ASIC2: variants seen among roughly 807,000 people sequenced by gnomAD.
The protein encoded by ASIC2 is acid sensing ion channel subunit 2.
A neutral mutation model predicts 57.3 loss-of-function variants in ASIC2; 25 were observed. That is an observed-to-expected ratio of 0.44 (90% CI 0.32 to 0.61). The LOEUF (loss-of-function observed/expected upper bound fraction) is 0.61. Ranked by LOEUF, ASIC2 falls within the 20% of genes least tolerant of loss-of-function variation. The pLI, the probability that ASIC2 is intolerant of heterozygous loss-of-function variation, is 0.06. For missense variants in ASIC2, 641 were observed against 738.1 expected (o/e 0.87, Z 1.52); for synonymous variants, 319 against 307.5 (o/e 1.04, Z -0.39).
intron 1 of ASIC2, among the ~76,000 whole-genome samples, chr17:33,269,501 C>T (rs898886576): frequency 2.0e-5 from 3 of 152,248 alleles, no homozygotes; most frequent in Non-Finnish European, 2.9e-5. Flanking sequence ...ACACACCAGC[C>T]TCCTGGCCTG....
chr17:33,684,011 A>G (rs1248696857), intron 1 of ASIC2, among the ~76,000 whole-genome samples: 1 of 152,222 alleles, frequency 6.6e-6, no homozygotes. Context: ...AGTCAGCTTG[A>G]TAGAAAATCA....
At chr17:33,898,220 C>CTT (rs771624171) in intron 1 of ASIC2, among the ~76,000 whole-genome samples, 3,460 of 66,006 alleles carry the variant, frequency 0.052, 1,031 homozygotes, top group Non-Finnish European at 0.067. Flanking sequence ...CATGTATAAT[C>CTT]TTTTTTTTTT....
intron 1 of ASIC2, among the ~76,000 whole-genome samples, chr17:33,420,710 G>A (rs928387724): frequency 3.9e-5 from 6 of 152,166 alleles, no homozygotes; most frequent in African/African-American, 1.2e-4. Flanking sequence ...TGTAGCATTT[G>A]CCTATTTCCA....
chr17:34,099,805 A>C (rs896308714), intron 1 of ASIC2, among the ~76,000 whole-genome samples: 46 of 147,230 alleles, frequency 3.1e-4, no homozygotes, highest in Admixed American at 1.6e-3. Flanking sequence ...AAAGAAAGAA[A>C]AGAGAATCTC....
chr17:33,585,133 G>C (rs1904579090), intron 1 of ASIC2, among the ~76,000 whole-genome samples: 1 of 152,186 alleles, frequency 6.6e-6, no homozygotes, highest in South Asian at 2.1e-4. Context: ...GGGGTGGAAG[G>C]AGAGGGAAAA....
intron 1 of ASIC2, among the ~76,000 whole-genome samples, chr17:33,525,544 C>T (rs1243473298): frequency 3.3e-5 from 5 of 152,204 alleles, no homozygotes; most frequent in South Asian, 2.1e-4. Context: ...CTCGGGCTCA[C>T]GGGTTCTGGC....
At chr17:33,346,226 CAAAAAAAAAA>C (rs57042563) in intron 1 of ASIC2, among the ~76,000 whole-genome samples, 24 of 57,786 alleles carry the variant, frequency 4.2e-4, no homozygotes, top group African/African-American at 1.4e-3. Flanking sequence ...GATTCCCTCT[CAAAAAAAAAA>C]AAAAAAAAAA....
intron 1 of ASIC2, among the ~76,000 whole-genome samples, chr17:33,614,439 A>C (rs1167696539): frequency 6.6e-6 from 1 of 152,148 alleles, no homozygotes; most frequent in Non-Finnish European, 1.5e-5. Context: ...GACTGAGCCA[A>C]CCCTGCACAG....
At chr17:33,379,050 G>A (rs969712291) in intron 1 of ASIC2, among the ~76,000 whole-genome samples, 23 of 152,340 alleles carry the variant, frequency 1.5e-4, no homozygotes, top group African/African-American at 5.3e-4. Flanking sequence ...ACAGGTATTA[G>A]CATTTAAGGG....
chr17:34,038,231 A>G, intron 1 of ASIC2: 3 of 1,611,730 alleles, frequency 1.9e-6, no homozygotes, highest in Non-Finnish European at 2.5e-6. Flanking sequence ...CTGCATGATA[A>G]TGGACCGGGC....
intron 1 of ASIC2, among the ~76,000 whole-genome samples, chr17:34,123,916 C>G (rs1268837420): frequency 6.6e-6 from 1 of 152,018 alleles, no homozygotes; most frequent in African/African-American, 2.4e-5. Context: ...AACCCCATCT[C>G]TACAAAAATA....
chr17:34,079,097 G>A (rs180829326), intron 1 of ASIC2: 2 of 152,312 alleles, frequency 1.3e-5, no homozygotes, highest in Non-Finnish European at 2.9e-5. Context: ...TCTCACCTCT[G>A]TTCAGTTGAA....
chr17:33,532,483 A>G (rs1915082412), intron 1 of ASIC2, among the ~76,000 whole-genome samples: 1 of 152,238 alleles, frequency 6.6e-6, no homozygotes, highest in Admixed American at 6.5e-5. Flanking sequence ...CCACTAGAAG[A>G]TCTGGGAGGT....
At chr17:33,750,586 T>C (rs951308667) in intron 1 of ASIC2, among the ~76,000 whole-genome samples, 1 of 152,168 alleles carries the variant, frequency 6.6e-6, no homozygotes, top group African/African-American at 2.4e-5. Flanking sequence ...CCCAAGACCC[T>C]ACAGTTAATA....
intron 1 of ASIC2, among the ~76,000 whole-genome samples, chr17:33,201,083 C>G (rs183974451): frequency 6.6e-6 from 1 of 152,296 alleles, no homozygotes; most frequent in Admixed American, 6.5e-5. Flanking sequence ...AAAATTTCAC[C>G]TCCCAACACA....
intron 1 of ASIC2, among the ~76,000 whole-genome samples, chr17:33,269,751 TTTCCTTCC>T (rs139151089): frequency 3.9e-5 from 4 of 102,964 alleles, no homozygotes; most frequent in African/African-American, 1.5e-4. Context: ...TCCTTCCTTC[TTTCCTTCC>T]TTCCTTCCTT....
At chr17:33,763,036 A>G (rs1910832063) in intron 1 of ASIC2, among the ~76,000 whole-genome samples, 1 of 152,176 alleles carries the variant, frequency 6.6e-6, no homozygotes, top group South Asian at 2.1e-4. Flanking sequence ...AGGAGAATGA[A>G]CTTGACCAAT....
exon 1 of ASIC2, chr17:34,155,998 C>T (rs1218719296): frequency 1.9e-5 from 31 of 1,609,634 alleles, no homozygotes; most frequent in African/African-American, 5.4e-5. Flanking sequence ...TCTTGGTGGC[C>T]GCACTCCTGC....
intron 1 of ASIC2, among the ~76,000 whole-genome samples, chr17:33,956,696 G>T (rs1396356326): frequency 1.3e-5 from 2 of 152,196 alleles, no homozygotes; most frequent in Non-Finnish European, 2.9e-5. Context: ...CACACTTGCA[G>T]CCATGTGTTC....
Sources: allele counts gnomAD v4.1 joint callset (sites outside exome capture counted in the v4.1 genomes callset), GRCh38; gene constraint gnomAD v4.1.1; transcripts MANE v1.5; gene names NCBI Gene and HGNC (gene_info 2026-07-23, HGNC 2026-07-21).